Variants in ULK2 observed in about 807,000 individuals in gnomAD.
The protein encoded by ULK2 is unc-51 like autophagy activating kinase 2.
ULK2 carries 76 observed loss-of-function variants against 127.5 expected under a neutral mutation model. The observed-to-expected ratio is 0.60, with a 90% CI of 0.50 to 0.72. The LOEUF (loss-of-function observed/expected upper bound fraction) is 0.72. Among genes scored for constraint, ULK2 ranks in the 30% least tolerant of loss-of-function variants. The probability of loss-of-function intolerance (pLI) is 0.00; values close to 1 mark genes in which losing one functional copy is unlikely to be tolerated. For synonymous variants in ULK2, 452 were observed against 461.9 expected (o/e 0.98, Z 0.28); for missense variants, 1,144 against 1,295.9 (o/e 0.88, Z 1.80).
At chr17:19,841,662 G>A (rs2041761402) in intron 8 of ULK2, 115 bp from the exon 9 acceptor site, 1 of 715,346 alleles carries the variant, frequency 1.4e-6, no homozygotes, top group Non-Finnish European at 2.2e-6. Flanking sequence ...GAGTTTCAAG[G>A]AAGGGACTGC....
At chr17:19,778,851 A>C (rs1294883061) in intron 25 of ULK2, among the ~76,000 whole-genome samples, 5 of 152,228 alleles carry the variant, frequency 3.3e-5, no homozygotes, top group Non-Finnish European at 7.3e-5. Context: ...AAAAAGAAAA[A>C]AATAACTAAG....
At chr17:19,819,181 C>T (rs1240236657) in intron 12 of ULK2, among the ~76,000 whole-genome samples, 1 of 152,190 alleles carries the variant, frequency 6.6e-6, no homozygotes, top group Non-Finnish European at 1.5e-5. Context: ...CTGTCTTCAA[C>T]CCTTGAATAA....
At chr17:19,814,075 T>C (rs192370579) in intron 13 of ULK2, among the ~76,000 whole-genome samples, 361 of 152,084 alleles carry the variant, frequency 2.4e-3, no homozygotes, top group African/African-American at 8.4e-3. Flanking sequence ...AAAATTCTTA[T>C]AATATAGACA....
intron 18 of ULK2, among the ~76,000 whole-genome samples, chr17:19,797,098 A>C (rs2087287776): frequency 6.6e-6 from 1 of 152,180 alleles, no homozygotes; most frequent in African/African-American, 2.4e-5. Flanking sequence ...GTTAAAGACC[A>C]GCCTGGCCAA....
At chr17:19,856,748 A>G (rs1455108487) in intron 3 of ULK2, among the ~76,000 whole-genome samples, 3 of 151,438 alleles carry the variant, frequency 2.0e-5, no homozygotes, top group African/African-American at 7.3e-5. Flanking sequence ...CGAGGCGGGC[A>G]GATCACAAGG....
intron 13 of ULK2, among the ~76,000 whole-genome samples, chr17:19,815,878 GA>G (rs893633036): frequency 2.6e-5 from 4 of 151,174 alleles, no homozygotes; most frequent in Non-Finnish European, 4.4e-5. Context: ...AAAGAAAAAA[GA>G]AAAAAAAGAA....
At chr17:19,796,676 G>A (rs2152385416) in intron 18 of ULK2, among the ~76,000 whole-genome samples, 1 of 152,312 alleles carries the variant, frequency 6.6e-6, no homozygotes, top group Non-Finnish European at 1.5e-5. Context: ...GCACCAGCAT[G>A]TCAGGGCTGT....
At chr17:19,784,133 T>C (rs1279655082) in intron 21 of ULK2, 1 of 373,978 alleles carries the variant, frequency 2.7e-6, no homozygotes, top group African/African-American at 2.1e-5. Context: ...AGAGCTAGTT[T>C]TTTTATACTC....
At chr17:19,852,752 T>G (rs887098922) in intron 3 of ULK2, among the ~76,000 whole-genome samples, 1 of 150,480 alleles carries the variant, frequency 6.6e-6, no homozygotes, top group Non-Finnish European at 1.5e-5. Context: ...TGCCTCAGTC[T>G]CCCGAGTAGC....
In ULK2 at chr17:19,867,478, C is replaced by G; in HGVS notation, c.-61G>C. 1 of 1,383,228 alleles carries G rather than the reference C, an allele frequency of 7.2e-7. No homozygotes were observed. 85.7% of individuals were successfully genotyped at this position (1,383,228 alleles called of 1,614,324 possible). ...CGGCGCAGTGCGGCGCAGGTATCAG[C>G]ACCGCGGCTCCGCGGGCCCGGAGCG... On this transcript the variant is annotated 5_prime_UTR_variant, in exon 1 of 27. Coordinates refer to ENST00000395544, the MANE Select transcript of ULK2 (RefSeq NM_014683.4).
At chr17:19,846,153 GTTATTAAT>G (rs1016929606) in intron 6 of ULK2, among the ~76,000 whole-genome samples, 49 of 151,908 alleles carry the variant, frequency 3.2e-4, no homozygotes, top group African/African-American at 1.1e-3. Flanking sequence ...AAGAATCAGA[GTTATTAAT>G]TTGCTGCCAG....
intron 13 of ULK2, among the ~76,000 whole-genome samples, chr17:19,815,337 T>C (rs552777207): frequency 2.6e-5 from 4 of 152,230 alleles, no homozygotes; most frequent in African/African-American, 9.6e-5. Context: ...CTCAGCTCAC[T>C]GCAACCTCCC....
intron 13 of ULK2, among the ~76,000 whole-genome samples, chr17:19,814,440 T>TACATATATATATA (rs1567696572): frequency 2.8e-4 from 2 of 7,076 alleles, no homozygotes; most frequent in African/African-American, 7.5e-4. Flanking sequence ...ATATATATAT[T>TACATATATATATA]TTTTTTTTTT....
Position 19,795,731 on chromosome 17 carries a change from A to C in ULK2, c.1998-6T>G. On this transcript the variant is annotated splice_region_variant and splice_polypyrimidine_tract_variant and intron_variant, in intron 19 of 26. Coordinates refer to ENST00000395544, the MANE Select transcript of ULK2 (RefSeq NM_014683.4). Reference sequence around the variant, plus strand: ...ACTTCCCGGTACTGACAGATCTAAAAAGAATAGTGATGTTTTTAATAAAGG... The same window carrying C: ...ACTTCCCGGTACTGACAGATCTAAACAGAATAGTGATGTTTTTAATAAAGG... 6.2e-7 allele frequency: 1 copy of C among 1,610,702 alleles called. No homozygotes were observed. Among genetic ancestry groups the C allele is most frequent in the Middle Eastern group, 1.7e-4 (1 of 6,058 alleles).
rs1378900364 is a variant in ULK2 at position 19,859,301 on chromosome 17, G to A, written c.225+5502C>T. 3.3e-5 allele frequency among the ~76,000 whole-genome samples: 5 copies of A among 150,490 alleles called. No individual in the cohort carries two copies. The South Asian group carries it at 1.1e-3, about 32-fold the overall frequency. ...GGCTGAGGCAGGCGGGTCACCTGAG[G>A]TCAGAAGTTCAAGACCAGCCTGGGC... On this transcript the variant is annotated intron_variant, in intron 3 of 26. Transcript: ENST00000395544.
intron 3 of ULK2, among the ~76,000 whole-genome samples, chr17:19,856,948 G>A (rs71369444): frequency 8.4e-6 from 1 of 119,028 alleles, no homozygotes; most frequent in African/African-American, 3.3e-5. Context: ...CGGCACTCCA[G>A]CCTTGGTGAC....
chr17:19,779,751 A>G (rs929007703), intron 25 of ULK2, among the ~76,000 whole-genome samples: 8 of 152,142 alleles, frequency 5.3e-5, no homozygotes, highest in Non-Finnish European at 8.8e-5. Context: ...GTGGGACCTG[A>G]GCACATAAAT....
At chr17:19,819,618 T>C (rs2041086300) in intron 12 of ULK2, among the ~76,000 whole-genome samples, 1 of 152,216 alleles carries the variant, frequency 6.6e-6, no homozygotes, top group African/African-American at 2.4e-5. Context: ...CACTTGCCTA[T>C]ACAACACATT....
intron 12 of ULK2, among the ~76,000 whole-genome samples, chr17:19,820,437 T>C (rs966096094): frequency 6.6e-6 from 1 of 152,148 alleles, no homozygotes; most frequent in African/African-American, 2.4e-5. Flanking sequence ...CTAGCTTTCT[T>C]TTCCCTTCAC....
Sources: gnomAD v4.1 joint callset for allele counts (sites outside exome capture counted in the v4.1 genomes callset) on GRCh38, gnomAD v4.1.1 for gene constraint, MANE v1.5 for transcripts, NCBI Gene and HGNC (gene_info 2026-07-23, HGNC 2026-07-21) for gene names.